Variants in ZNF501 observed in about 807,000 individuals in gnomAD.
ZNF501 encodes the protein zinc finger protein 52.
ZNF501 carries 7 observed loss-of-function variants against 5.7 expected under a neutral mutation model. That is an observed-to-expected ratio of 1.24 (90% CI 0.70 to 2.32). The LOEUF is 2.32. Ranked by LOEUF, ZNF501 falls within the 30% of genes most tolerant of loss-of-function variation. The pLI, the probability that ZNF501 is intolerant of heterozygous loss-of-function variation, is 0.00. For missense variants in ZNF501, 352 were observed against 321.1 expected (o/e 1.10, Z -0.73); for synonymous variants, 107 against 101.9 (o/e 1.05, Z -0.30).
Position 44,734,826 on chromosome 3 carries a change from A to G in ZNF501, c.405A>G (p.Lys135=). The G allele has an allele frequency of 3.1e-6, 5 of 1,613,948 alleles. No homozygotes were observed. The highest frequency in any genetic ancestry group is 4.2e-6 in the Non-Finnish European group (5 of 1,180,012). The change falls in exon 3 of 3, where the codon AAA becomes AAG. Residue 135 remains lysine, a synonymous_variant. Transcript: ENST00000620116. ...TTCATACTGGAGAGAAACCATATAA[A>G]TGTACAGAATGTGGCAAAGCCTTCA... is the stretch of plus-strand genomic sequence containing the variant. The part of the protein sequence containing the change: ...QRIHTGEKPY[K]CTECGKAFSQ...
Position 44,734,329 on chromosome 3 carries a change from C to G in ZNF501, c.-93C>G. ...TGTGATGTGTGTGAGCACACACACA[C>G]AGTAACCTTTCCTAGGAGAACTGTA... On this transcript the variant is annotated 5_prime_UTR_variant, in exon 3 of 3. Coordinates refer to ENST00000620116, the MANE Select transcript of ZNF501 (RefSeq NM_001258280.2). 4 of 1,108,716 alleles carry G rather than the reference C, an allele frequency of 3.6e-6. 1 individual carries two copies. The highest frequency in any genetic ancestry group is 3.1e-5 in the South Asian group (2 of 65,100). The allele number at this position is 1,108,716 out of a possible 1,614,324, so 68.7% of individuals were successfully genotyped here.
In ZNF501 at chr3:44,734,986, C is replaced by A. The variant is rs1299438810; in HGVS notation, c.565C>A (p.Pro189Thr). The change falls in exon 3 of 3, where the codon CCC (proline) becomes ACC (threonine). Residue 189 changes from proline (P) to threonine (T), a missense_variant. Pro to Thr is a conservative substitution (Grantham distance 38). Coordinates refer to ENST00000620116, the MANE Select transcript of ZNF501 (RefSeq NM_001258280.2). The stretch of plus-strand genomic sequence containing the variant: ...TCAGAGAATTCATTCAGGAGAGAAG[C>A]CCTACACATGCACTGAATGTGGTAA... ...QHQRIHSGEK[P>T]YTCTECGKAF... 1.2e-6 allele frequency: 2 copies of A among 1,614,026 alleles called. No homozygotes were observed. Among genetic ancestry groups the A allele is most frequent in the African/African-American group, 2.7e-5 (2 of 74,928 alleles).
rs1704688680 is a variant in ZNF501 at position 44,735,714 on chromosome 3, A to G, written c.*477A>G. The G allele has an allele frequency of 6.0e-6, 1 of 167,556 alleles. No homozygotes were observed. Among genetic ancestry groups the G allele is most frequent in the East Asian group, 1.9e-4 (1 of 5,198 alleles). 10.4% of individuals were successfully genotyped at this position (167,556 alleles called of 1,614,324 possible). On this transcript the variant is annotated 3_prime_UTR_variant, in exon 3 of 3. Transcript: ENST00000620116. ...GTCTTGGTTTAAATAGGATAATACA[A>G]TCTAAGACTGGTTTGTCCTTGAGAA...
intron 2 of ZNF501, chr3:44,731,875 G>A (rs1191221182): frequency 3.9e-5 from 6 of 152,212 alleles, no homozygotes. Flanking sequence ...TCAGTATGAT[G>A]CCTTAATGGT....
At chr3:44,731,706 A>G (rs1307359828) in intron 2 of ZNF501, 146 bp downstream of exon 2, 1 of 152,188 alleles carries the variant, frequency 6.6e-6, no homozygotes, top group Non-Finnish European at 1.5e-5. Context: ...AATGGATACC[A>G]TTTTACTCAA....
In ZNF501 at chr3:44,734,490, G is replaced by A. The variant is rs552702613; in HGVS notation, c.69G>A (p.Lys23=). 18 of 1,614,188 alleles carry A rather than the reference G, an allele frequency of 1.1e-5. 1 individual carries two copies. In the African/African-American group the frequency reaches 1.2e-4, roughly 11 times the overall value. The change falls in exon 3 of 3, where the codon AAG becomes AAA. Residue 23 remains lysine (K), a synonymous_variant. Transcript: ENST00000620116. ...TTAACATGCAGAAGAAACCTTCAAA[G>A]TGTAGTGAATGTGGGAAGTTCTTTA... ...GRVNMQKKPS[K]CSECGKFFTQ...
rs1433628072 is a variant in ZNF501, at chr3:44,735,453, T to G, written c.*216T>G. ...TCCCTTCTGAGCCTCAGTTTCCCCA[T>G]TCCCCCCAATAGAAAAATGGGGATA... On this transcript the variant is annotated 3_prime_UTR_variant, in exon 3 of 3. Coordinates refer to ENST00000620116, the MANE Select transcript of ZNF501 (RefSeq NM_001258280.2). 2.0e-5 allele frequency: 8 copies of G among 392,500 alleles called. No homozygotes were observed. In the South Asian group the frequency reaches 3.8e-4, roughly 19 times the overall value. The allele number at this position is 392,500 out of a possible 1,614,324, so 24.3% of individuals were successfully genotyped here.
At position 44,731,483 on chromosome 3, in the gene ZNF501, A is replaced by G. The variant is rs1260891354; in HGVS notation, c.-303A>G. ...CTCTTTTTCCTCCCTCAGTGCCTCA[A>G]ATTCCTGCCTTTCCTCAAGAGAAGA... is the stretch of plus-strand genomic sequence containing the variant. On this transcript the variant is annotated 5_prime_UTR_variant, in exon 2 of 3. Transcript: ENST00000620116. 1 of 152,230 alleles carries G rather than the reference A, an allele frequency of 6.6e-6. No individual in the cohort carries two copies. Among genetic ancestry groups the G allele is most frequent in the Non-Finnish European group, 1.5e-5 (1 of 68,044 alleles). 9.4% of individuals were successfully genotyped at this position (152,230 alleles called of 1,614,324 possible).
In ZNF501 at chr3:44,735,120, TAGTG is replaced by T. The variant is rs769767445; in HGVS notation, c.702_705del (p.Glu235IlefsTer59). ...AAACTTTCCGCAAACAAGCACACCTTAGTGAGCATTACAGAATTCATACTGGAGA... is the reference window on the plus strand; with the variant it reads ...AAACTTTCCGCAAACAAGCACACCTTAGCATTACAGAATTCATACTGGAGA... On this transcript the variant is annotated frameshift_variant, in exon 3 of 3. Coordinates refer to ENST00000620116, the MANE Select transcript of ZNF501 (RefSeq NM_001258280.2). LOFTEE classifies it high-confidence loss of function. The T allele has an allele frequency of 4.3e-5, 70 of 1,613,976 alleles. No homozygotes were observed. The highest frequency in any genetic ancestry group is 1.6e-4 in the South Asian group (15 of 91,076).
chr3:44,735,831 A>C lies in ZNF501; in HGVS notation c.*594A>C, dbSNP rs1228359116. The C allele has an allele frequency of 6.0e-6, 1 of 166,820 alleles. No homozygotes were observed. Among genetic ancestry groups the C allele is most frequent in the Admixed American group, 6.5e-5 (1 of 15,270 alleles). The allele number at this position is 166,820 out of a possible 1,614,324, so 10.3% of individuals were successfully genotyped here. On this transcript the variant is annotated 3_prime_UTR_variant, in exon 3 of 3. Transcript: ENST00000620116. The stretch of plus-strand genomic sequence containing the variant: ...TGGATACCCTCAAGATCTTCATTTA[A>C]ATTTTGATACTTTCTATTACTAGAT...
At chr3:44,732,961 C>CTACA (rs2125873752) in intron 2 of ZNF501, among the ~76,000 whole-genome samples, 1 of 152,230 alleles carries the variant, frequency 6.6e-6, no homozygotes, top group South Asian at 2.1e-4. Context: ...GTAGCTGGGA[C>CTACA]TACAGGTGCA....
At chr3:44,730,219 T>C (rs547752197) in intron 1 of ZNF501, among the ~76,000 whole-genome samples, 1 of 152,324 alleles carries the variant, frequency 6.6e-6, no homozygotes, top group Admixed American at 6.5e-5. Flanking sequence ...AAGTAGTTAC[T>C]GGTATCGTCT....
Position 44,736,473 on chromosome 3 carries a change from T to C in ZNF501, c.*1236T>C, listed in dbSNP as rs1704702266. ...ATCTATATCTTTATAGATTTGCAGT[T>C]CTGGTTTATATAATACCAAAGTCAC... On this transcript the variant is annotated 3_prime_UTR_variant, in exon 3 of 3. Coordinates refer to ENST00000620116, the MANE Select transcript of ZNF501 (RefSeq NM_001258280.2). The C allele has an allele frequency of 6.0e-6, 1 of 167,034 alleles. No individual in the cohort carries two copies. The allele number at this position is 167,034 out of a possible 1,614,324, so 10.3% of individuals were successfully genotyped here.
At chr3:44,731,782 T>C (rs1216162597) in intron 2 of ZNF501, 1 of 152,196 alleles carries the variant, frequency 6.6e-6, no homozygotes, top group African/African-American at 2.4e-5. Context: ...GGTCCTAGAG[T>C]GCACTAAGTT....
At chr3:44,732,396 A>G (rs1334005426) in intron 2 of ZNF501, 2 of 152,222 alleles carry the variant, frequency 1.3e-5, no homozygotes, top group East Asian at 3.8e-4. Context: ...AAATGTGCTT[A>G]GAGTTTTGGT....
At chr3:44,730,874 A>G (rs1003982766) in intron 1 of ZNF501, among the ~76,000 whole-genome samples, 1 of 152,230 alleles carries the variant, frequency 6.6e-6, no homozygotes, top group African/African-American at 2.4e-5. Context: ...AAATGAATAA[A>G]CAGATTCAAT....
Position 44,734,642 on chromosome 3 carries a change from G to C in ZNF501, c.221G>C (p.Gly74Ala). 6.2e-7 allele frequency: 1 copy of C among 1,614,124 alleles called. No homozygotes were observed. Among genetic ancestry groups the C allele is most frequent in the Non-Finnish European group, 8.5e-7 (1 of 1,180,004 alleles). ...ACTCAACATCTGAGAATTCATACCGGAGAGAAACCTTATAAATGTAATGAA... is the reference window on the plus strand; with the variant it reads ...ACTCAACATCTGAGAATTCATACCGCAGAGAAACCTTATAAATGTAATGAA... ...NLTQHLRIHT[G>A]EKPYKCNECE... The change falls in exon 3 of 3, where the codon GGA (glycine) becomes GCA (alanine). Residue 74 changes from glycine (G) to alanine (A), a missense_variant. Transcript: ENST00000620116.
Position 44,736,991 on chromosome 3 carries a change from G to C in ZNF501, c.*1754G>C, listed in dbSNP as rs370998575. On this transcript the variant is annotated 3_prime_UTR_variant, in exon 3 of 3. Coordinates refer to ENST00000620116, the MANE Select transcript of ZNF501 (RefSeq NM_001258280.2). ...TCTTTTTTCTTTTTTTAAAGAAATGGTAGCATAATATACACAGTTGTCCAT... is the reference window on the plus strand; with the variant it reads ...TCTTTTTTCTTTTTTTAAAGAAATGCTAGCATAATATACACAGTTGTCCAT... 1.8e-5 allele frequency: 3 copies of C among 166,010 alleles called. No homozygotes were observed. Among genetic ancestry groups the C allele is most frequent in the African/African-American group, 7.3e-5 (3 of 41,008 alleles). 10.3% of individuals were successfully genotyped at this position (166,010 alleles called of 1,614,324 possible).
In ZNF501 at chr3:44,729,661, G is replaced by C. The variant is rs1230713347; in HGVS notation, c.-665G>C. ...CTCCTTTCCGCAGGGCAGCACCCAG[G>C]GACCTGAGTGTTGCAAGGTGCGAGA... On this transcript the variant is annotated 5_prime_UTR_variant, in exon 1 of 3. Coordinates refer to ENST00000620116, the MANE Select transcript of ZNF501 (RefSeq NM_001258280.2). 1 of 152,352 alleles carries C rather than the reference G, an allele frequency of 6.6e-6. No homozygotes were observed. The highest frequency in any genetic ancestry group is 1.9e-4 in the East Asian group (1 of 5,186). 9.4% of individuals were successfully genotyped at this position (152,352 alleles called of 1,614,324 possible). A position where few individuals can be genotyped will look rare whatever the true frequency, so the allele number is the denominator to read the frequency against.
Sources: allele counts gnomAD v4.1 joint callset (sites outside exome capture counted in the v4.1 genomes callset), GRCh38; gene constraint gnomAD v4.1.1; transcripts MANE v1.5; gene names NCBI Gene and HGNC (gene_info 2026-07-23, HGNC 2026-07-21).